The following ZNF536 variants were observed in gnomAD, a reference collection of about 807,000 sequenced individuals.
The protein encoded by ZNF536 is zinc finger protein 536.
Under a neutral mutation model 84.5 loss-of-function variants are expected in ZNF536, and 13 were observed. That is an observed-to-expected ratio of 0.15 (90% CI 0.10 to 0.24). The LOEUF (loss-of-function observed/expected upper bound fraction) is 0.24. Ranked by LOEUF, ZNF536 falls within the 10% of genes least tolerant of loss-of-function variation. The probability of loss-of-function intolerance (pLI) is 1.00; values close to 1 mark genes in which losing one functional copy is unlikely to be tolerated. For missense variants in ZNF536, 1,536 were observed against 1,747.5 expected (o/e 0.88, Z 2.16); for synonymous variants, 811 against 742.5 (o/e 1.09, Z -1.50).
intron 1 of ZNF536, among the ~76,000 whole-genome samples, chr19:30,238,518 G>A (rs2023708457): frequency 6.6e-6 from 1 of 151,972 alleles, no homozygotes; most frequent in Admixed American, 6.6e-5. Flanking sequence ...TGGATTCCTG[G>A]TAGGGACATT....
intron 2 of ZNF536, among the ~76,000 whole-genome samples, chr19:30,534,600 C>G (rs1208855605): frequency 6.6e-6 from 1 of 152,154 alleles, no homozygotes; most frequent in Non-Finnish European, 1.5e-5. Context: ...ACAGCTGTTT[C>G]TTTTCTTGTT....
chr19:30,573,940 G>T (rs900810941), intron 1 of ZNF536, among the ~76,000 whole-genome samples: 1 of 152,192 alleles, frequency 6.6e-6, no homozygotes, highest in Non-Finnish European at 1.5e-5. Context: ...AGGAGCTATT[G>T]CCAGGACGGG....
Position 30,621,570 on chromosome 19 carries a change from G to A in ZNF536, c.169+72056G>A, listed in dbSNP as rs953235137. 4.6e-5 allele frequency among the ~76,000 whole-genome samples: 7 copies of A among 152,214 alleles called. 1 individual carries two copies. In the South Asian group the frequency reaches 1.2e-3, roughly 27 times the overall value. ...GAAAGCTATGCAGGGTGGCCTCCAA[G>A]CGCCAGACCTAAAAACAATATCTTT... On this transcript the variant is annotated intron_variant, in intron 1 of 1. Transcript: ENST00000592773.
chr19:30,698,751 G>C (rs1183153637), intron 1 of ZNF536, among the ~76,000 whole-genome samples: 1 of 152,192 alleles, frequency 6.6e-6, no homozygotes, highest in Non-Finnish European at 1.5e-5. Flanking sequence ...GGTCATGTTT[G>C]TCTGGTTTCT....
chr19:30,375,762 G>T (rs1323828008), intron 1 of ZNF536, among the ~76,000 whole-genome samples: 1 of 152,224 alleles, frequency 6.6e-6, no homozygotes, highest in East Asian at 1.9e-4. Context: ...GTTCGTGTTT[G>T]CACCTCGTGT....
intron 2 of ZNF536, among the ~76,000 whole-genome samples, chr19:30,479,709 G>C (rs1487177641): frequency 6.6e-6 from 1 of 152,172 alleles, no homozygotes; most frequent in Non-Finnish European, 1.5e-5. Flanking sequence ...AGCAGTCCAC[G>C]AGGCAGCCTC....
chr19:30,564,431 A>C, intron 1 of ZNF536, among the ~76,000 whole-genome samples: 1 of 151,900 alleles, frequency 6.6e-6, no homozygotes, highest in East Asian at 1.9e-4. Flanking sequence ...GAGAGAGAGA[A>C]GGCCAGCAGA....
At chr19:30,355,156 C>G (rs889449249) in intron 3 of ZNF536, among the ~76,000 whole-genome samples, 1 of 152,112 alleles carries the variant, frequency 6.6e-6, no homozygotes, top group African/African-American at 2.4e-5. Context: ...AGCATCTGCT[C>G]AGCTTCTGCA....
chr19:30,355,686 G>C (rs1033079905), intron 3 of ZNF536, among the ~76,000 whole-genome samples: 1 of 152,092 alleles, frequency 6.6e-6, no homozygotes, highest in African/African-American at 2.4e-5. Context: ...TTGGTAATTG[G>C]GCTGTCAAGC....
intron 1 of ZNF536, among the ~76,000 whole-genome samples, chr19:30,403,661 A>G (rs1216456900): frequency 6.6e-6 from 1 of 152,204 alleles, no homozygotes; most frequent in African/African-American, 2.4e-5. Flanking sequence ...TTGCAGCTCT[A>G]GAAAGAAGAC....
chr19:30,319,950 G>GTGCTCT (rs1282359892), intron 2 of ZNF536, among the ~76,000 whole-genome samples: 4 of 152,164 alleles, frequency 2.6e-5, no homozygotes, highest in African/African-American at 9.7e-5. Flanking sequence ...ATAGCTTTGT[G>GTGCTCT]TGCTCTTACT....
At chr19:30,464,524 A>G (rs1226941985) in intron 2 of ZNF536, among the ~76,000 whole-genome samples, 1 of 152,090 alleles carries the variant, frequency 6.6e-6, no homozygotes, top group Non-Finnish European at 1.5e-5. Flanking sequence ...TAGGGGAGTC[A>G]TGAATTGGAT....
intron 1 of ZNF536, among the ~76,000 whole-genome samples, chr19:30,406,255 C>T (rs76280553): frequency 3.9e-5 from 6 of 152,178 alleles, no homozygotes; most frequent in South Asian, 4.1e-4. Flanking sequence ...ACTAGTCAAC[C>T]GCGATGCATG....
chr19:30,314,879 G>A (rs1231108339), intron 2 of ZNF536, among the ~76,000 whole-genome samples: 1 of 152,124 alleles, frequency 6.6e-6, no homozygotes, highest in Non-Finnish European at 1.5e-5. Flanking sequence ...CTGAGCTCCT[G>A]CAGGGTACCC....
intron 2 of ZNF536, among the ~76,000 whole-genome samples, chr19:30,455,587 G>C (rs1286867348): frequency 6.6e-6 from 1 of 152,198 alleles, no homozygotes; most frequent in Non-Finnish European, 1.5e-5. Context: ...TGTAGTCCCA[G>C]CTACTTGGGA....
intron 2 of ZNF536, among the ~76,000 whole-genome samples, chr19:30,297,023 G>A (rs116668977): frequency 6.6e-6 from 1 of 152,308 alleles, no homozygotes; most frequent in African/African-American, 2.4e-5. Flanking sequence ...CCACGATCAG[G>A]CACGAGGCCC....
upstream of ZNF536, among the ~76,000 whole-genome samples, chr19:30,227,106 A>G (rs2022656378): frequency 6.6e-6 from 1 of 152,052 alleles, no homozygotes; most frequent in South Asian, 2.1e-4. Context: ...ATATCTCCAT[A>G]TAGACGGATG....
rs545104343 is a variant in ZNF536, at chr19:30,290,438, T to C, written c.-120+6297T>C. 2.0e-5 allele frequency among the ~76,000 whole-genome samples: 3 copies of C among 152,218 alleles called. No individual in the cohort carries two copies. The East Asian group carries it at 5.8e-4, about 29-fold the overall frequency. ...GACTACACGTGCACACCACTACTAA[T>C]TTAAAAATTTTTTTGTAGATATGGG... On this transcript the variant is annotated intron_variant, in intron 2 of 5. Transcript: ENST00000585628.
chr19:30,351,673 C>G (rs1278888527), intron 2 of ZNF536, among the ~76,000 whole-genome samples: 1 of 152,200 alleles, frequency 6.6e-6, no homozygotes, highest in African/African-American at 2.4e-5. Flanking sequence ...GGGAAAGCTT[C>G]CATTCTAAAG....
Sources: allele counts gnomAD v4.1 joint callset (sites outside exome capture counted in the v4.1 genomes callset), GRCh38; gene constraint gnomAD v4.1.1; transcripts MANE v1.5; gene names NCBI Gene and HGNC (gene_info 2026-07-23, HGNC 2026-07-21).